The following C1QC variants were observed in gnomAD, a reference collection of about 807,000 sequenced individuals.
The protein encoded by C1QC is complement C1q subcomponent subunit C.
In C1QC, 4 loss-of-function variants were observed where a neutral mutation model predicts 5.9. That is an observed-to-expected ratio of 0.68 (90% CI 0.33 to 1.55). C1QC has a LOEUF of 1.55. Ranked by LOEUF, C1QC falls within the 40% of genes most tolerant of loss-of-function variation. The pLI, the probability that C1QC is intolerant of heterozygous loss-of-function variation, is 0.06. For missense variants in C1QC, 299 were observed against 326.9 expected (o/e 0.91, Z 0.66); for synonymous variants, 166 against 153.8 (o/e 1.08, Z -0.59).
intron 2 of C1QC, among the ~76,000 whole-genome samples, chr1:22,645,368 A>G (rs751275055): frequency 8.5e-5 from 13 of 152,088 alleles, no homozygotes; most frequent in Non-Finnish European, 1.5e-4. Flanking sequence ...AGTTTTAGGA[A>G]ATGATAAAAC....
chr1:22,647,443 C>T lies in C1QC; in HGVS notation c.398C>T (p.Ala133Val). 6.2e-7 allele frequency: 1 copy of T among 1,614,198 alleles called. No homozygotes were observed. The highest frequency in any genetic ancestry group is 8.5e-7 in the Non-Finnish European group (1 of 1,180,038). The stretch of plus-strand genomic sequence containing the variant: ...ACTCGGCAGACCCACCAGCCCCCTG[C>T]ACCCAACAGCCTGATCAGATTCAAC... Reference protein sequence around the residue: ...TVTRQTHQPPAPNSLIRFNAV... With the variant: ...TVTRQTHQPPVPNSLIRFNAV... Residue 133 changes from alanine to valine, a missense_variant, in exon 3 of 3, where the codon GCA becomes GTA. Coordinates refer to ENST00000374640, the MANE Select transcript of C1QC (RefSeq NM_172369.5).
chr1:22,647,317 G>T lies in C1QC; in HGVS notation c.272G>T (p.Gly91Val), dbSNP rs1306543520. The T allele has an allele frequency of 6.2e-7, 1 of 1,613,852 alleles. No individual in the cohort carries two copies. The highest frequency in any genetic ancestry group is 1.1e-5 in the South Asian group (1 of 91,072). ...PGHPGKNGPM[G>V]PPGMPGVPGP... ...CATCCTGGGAAAAATGGCCCCATGGGACCCCCTGGGATGCCAGGGGTGCCC... is the reference window on the plus strand; with the variant it reads ...CATCCTGGGAAAAATGGCCCCATGGTACCCCCTGGGATGCCAGGGGTGCCC... The change falls in exon 3 of 3, where the codon GGA (glycine) becomes GTA (valine). Residue 91 changes from glycine (G) to valine (V), a missense_variant. Physicochemically the swap from Gly to Val is moderately radical, Grantham distance 109 (BLOSUM62 -3). Around this residue, in one of 3 missense-constraint regions of C1QC, gnomAD observed 146 missense variants for 144.1 expected, o/e 1.01. Transcript: ENST00000374640.
At chr1:22,645,937 G>C (rs942559066) in intron 2 of C1QC, among the ~76,000 whole-genome samples, 7 of 152,196 alleles carry the variant, frequency 4.6e-5, no homozygotes, top group African/African-American at 1.7e-4. Context: ...GGAAACATGA[G>C]GGCTGATGGG....
chr1:22,647,554 A>T lies in C1QC; in HGVS notation c.509A>T (p.Tyr170Phe), dbSNP rs1350998009. Residue 170 changes from tyrosine to phenylalanine, a missense_variant, in exon 3 of 3, where the codon TAC (tyrosine) becomes TTC (phenylalanine). Around this residue, in one of 3 missense-constraint regions of C1QC, gnomAD observed 144 missense variants for 155.1 expected, o/e 0.93. Coordinates refer to ENST00000374640, the MANE Select transcript of C1QC (RefSeq NM_172369.5). ...GTCCCCGGCCTCTACTACTTTGTCTACCACGCGTCGCATACAGCCAACCTG... is the reference window on the plus strand; with the variant it reads ...GTCCCCGGCCTCTACTACTTTGTCTTCCACGCGTCGCATACAGCCAACCTG... ...CKVPGLYYFVYHASHTANLCV... is the reference protein window; with the variant it reads ...CKVPGLYYFVFHASHTANLCV... 6.2e-7 allele frequency: 1 copy of T among 1,614,202 alleles called. No homozygotes were observed. The highest frequency in any genetic ancestry group is 8.5e-7 in the Non-Finnish European group (1 of 1,180,042).
chr1:22,644,566 C>G (rs1570080883), intron 2 of C1QC, among the ~76,000 whole-genome samples: 1 of 152,196 alleles, frequency 6.6e-6, no homozygotes, highest in Non-Finnish European at 1.5e-5. Flanking sequence ...GGGGCCCACA[C>G]AGTGAATATA....
Position 22,643,662 on chromosome 1 carries a change from G to A in C1QC, c.-66G>A. The A allele has an allele frequency of 9.3e-7, 1 of 1,077,998 alleles. No homozygotes were observed. The allele number at this position is 1,077,998 out of a possible 1,614,324, so 66.8% of individuals were successfully genotyped here. On this transcript the variant is annotated 5_prime_UTR_variant, in exon 1 of 3. Coordinates refer to ENST00000374640, the MANE Select transcript of C1QC (RefSeq NM_172369.5). ...ACCGTGTCCTCTTGCCTGGGAGAGGGGAAGCAGATCTGAGGACATCTCTGT... is the reference window on the plus strand; with the variant it reads ...ACCGTGTCCTCTTGCCTGGGAGAGGAGAAGCAGATCTGAGGACATCTCTGT...
chr1:22,644,304 GC>G (rs147010526), intron 2 of C1QC, 100 bp downstream of exon 2: 142,536 of 1,392,838 alleles, frequency 0.1, 8,056 homozygotes, highest in South Asian at 0.2. Flanking sequence ...GGAAGTGCTT[GC>G]CTTGCTGCCA....
Position 22,647,928 on chromosome 1 carries a change from AC to A in C1QC, c.*150del. On this transcript the variant is annotated 3_prime_UTR_variant, in exon 3 of 3. Transcript: ENST00000374640. Reference sequence around the variant, plus strand: ...TCCTCCAGGGAGCCCACCCTGACCCACCCCCACTGCACCCCCTCCCCATGGG... The same window carrying A: ...TCCTCCAGGGAGCCCACCCTGACCCACCCCACTGCACCCCCTCCCCATGGG... 1.1e-6 allele frequency: 1 copy of A among 893,898 alleles called. No individual in the cohort carries two copies. Among genetic ancestry groups the A allele is most frequent in the Non-Finnish European group, 1.5e-6 (1 of 648,924 alleles). 55.4% of individuals were successfully genotyped at this position (893,898 alleles called of 1,614,324 possible). A position where few individuals can be genotyped will look rare whatever the true frequency, so the allele number is the denominator to read the frequency against.
chr1:22,647,021 G>A (rs1642378507), intron 2 of C1QC, among the ~76,000 whole-genome samples: 1 of 152,142 alleles, frequency 6.6e-6, no homozygotes, highest in African/African-American at 2.4e-5. Flanking sequence ...GCAGGTCAGT[G>A]GAGAAGCAGG....
At chr1:22,647,170 G>A in intron 2 of C1QC, 57 bp from the exon 3 acceptor site, 1 of 1,583,952 alleles carries the variant, frequency 6.3e-7, no homozygotes, top group Non-Finnish European at 8.6e-7. Context: ...ACACCCTCAG[G>A]GTCCCTCCTC....
In C1QC at chr1:22,647,264, G is replaced by A; in HGVS notation, c.219G>A (p.Gly73=). The change falls in exon 3 of 3, where the codon GGG becomes GGA. Residue 73 remains glycine (G), a synonymous_variant. Transcript: ENST00000374640. Reference sequence around the variant, plus strand: ...TTCCCGGGATCCGAGGACCCAAAGGGCAGAAGGGAGAACCCGGCTTACCCG... The same window carrying A: ...TTCCCGGGATCCGAGGACCCAAAGGACAGAAGGGAGAACCCGGCTTACCCG... ...PAIPGIRGPK[G]QKGEPGLPGH... 2 of 1,610,646 alleles carry A rather than the reference G, an allele frequency of 1.2e-6. No individual in the cohort carries two copies. The highest frequency in any genetic ancestry group is 1.7e-6 in the Non-Finnish European group (2 of 1,179,998).
Position 22,647,314 on chromosome 1 carries a change from T to G in C1QC, c.269T>G (p.Met90Arg). 6.2e-7 allele frequency: 1 copy of G among 1,613,724 alleles called. No individual in the cohort carries two copies. The highest frequency in any genetic ancestry group is 1.3e-5 in the African/African-American group (1 of 74,972). ...GGCCATCCTGGGAAAAATGGCCCCA[T>G]GGGACCCCCTGGGATGCCAGGGGTG... ...LPGHPGKNGPMGPPGMPGVPG... is the reference protein window; with the variant it reads ...LPGHPGKNGPRGPPGMPGVPG... The change falls in exon 3 of 3, where the codon ATG becomes AGG. Residue 90 changes from methionine (M) to arginine (R), a missense_variant. Coordinates refer to ENST00000374640, the MANE Select transcript of C1QC (RefSeq NM_172369.5).
chr1:22,643,770 G>T (rs372028010), intron 1 of C1QC, 56 bp downstream of exon 1: 2 of 1,319,976 alleles, frequency 1.5e-6, no homozygotes, highest in Non-Finnish European at 9.6e-7. Context: ...TCCACCTTCC[G>T]CCACCTTCCT....
chr1:22,647,667 C>T lies in C1QC; in HGVS notation c.622C>T (p.Leu208=). The part of the protein sequence containing the change: ...KTNQVNSGGV[L]LRLQVGEEVW... ...CAATCAGGTCAACTCGGGCGGTGTG[C>T]TGCTGAGGTTGCAGGTGGGCGAGGA... The change falls in exon 3 of 3, where the codon CTG becomes TTG. Residue 208 remains leucine, a synonymous_variant. Transcript: ENST00000374640. The T allele has an allele frequency of 6.2e-7, 1 of 1,611,688 alleles. No homozygotes were observed.
intron 1 of C1QC, 46 bp downstream of exon 1, chr1:22,643,760 TCCACCTTCCG>T (rs374943849): frequency 1.8e-5 from 24 of 1,323,654 alleles, no homozygotes; most frequent in Middle Eastern, 2.9e-4. Flanking sequence ...GGCCGTTTCC[TCCACCTTCCG>T]CCACCTTCCT....
rs747462741 is a variant in C1QC at position 22,644,200 on chromosome 1, G to A, written c.177G>A (p.Glu59=). The stretch of plus-strand genomic sequence containing the variant: ...ACGGACTGCCGGGGCCCAAGGGGGA[G>A]CCAGGTGAGTCTGCTGGCCTGGTTT... ...GYDGLPGPKG[E]PGIPAIPGIR... Residue 59 remains glutamate, a synonymous_variant, in exon 2 of 3, where the codon GAG becomes GAA. Transcript: ENST00000374640. 1 of 1,574,566 alleles carries A rather than the reference G, an allele frequency of 6.4e-7. No individual in the cohort carries two copies. The highest frequency in any genetic ancestry group is 1.2e-5 in the South Asian group (1 of 85,236).
intron 2 of C1QC, among the ~76,000 whole-genome samples, chr1:22,645,278 C>T (rs1271644819): frequency 7.9e-5 from 12 of 152,108 alleles, no homozygotes; most frequent in Admixed American, 7.9e-4. Flanking sequence ...TTGTACTTCA[C>T]AGCTGCCTCT....
At position 22,643,943 on chromosome 1, in the gene C1QC, C is replaced by T. The variant is rs145481923; in HGVS notation, c.-13-68C>T. The T allele has an allele frequency of 7.9e-5, 120 of 1,524,682 alleles. No homozygotes were observed. The African/African-American group carries it at 1.3e-3, about 17-fold the overall frequency. 94.4% of individuals were successfully genotyped at this position (1,524,682 alleles called of 1,614,324 possible). ...CTCCCGAGGGCTGAGGAGGACGGGC[C>T]CTGGGGAATGAGAGGGTTGGGGGCA... On this transcript the variant is annotated intron_variant, in intron 1 of 2. Transcript: ENST00000374640.
intron 2 of C1QC, among the ~76,000 whole-genome samples, chr1:22,644,431 T>A (rs557011630): frequency 6.2e-4 from 95 of 152,200 alleles, no homozygotes; most frequent in African/African-American, 2.2e-3. Flanking sequence ...TCCATCTTCC[T>A]TCTCCTCCTT....
Sources: gnomAD v4.1 joint callset for allele counts (sites outside exome capture counted in the v4.1 genomes callset) on GRCh38, gnomAD v4.1.1 for gene constraint, gnomAD v4.1.1 regional missense constraint, MANE v1.5 for transcripts, NCBI Gene and HGNC (gene_info 2026-07-23, HGNC 2026-07-21) for gene names.